SPHK2: variants seen among roughly 807,000 people sequenced by gnomAD.
The protein encoded by SPHK2 is sphingosine kinase 2.
In SPHK2, 18 loss-of-function variants were observed where a neutral mutation model predicts 32.3. The observed-to-expected ratio is 0.56, with a 90% CI of 0.39 to 0.83. The LOEUF is 0.83. Ranked by LOEUF, SPHK2 falls within the 40% of genes least tolerant of loss-of-function variation. The pLI is 0.00. For missense variants in SPHK2, 850 were observed against 908.7 expected (o/e 0.94, Z 0.83); for synonymous variants, 462 against 417.6 (o/e 1.11, Z -1.30).
Position 48,629,876 on chromosome 19 carries a change from G to T in SPHK2, c.*103G>T. ...TGGCTGCTAGAGTTGTGGTGGCAGG[G>T]GCCCTGGCCCCGTCTCAGGATTGCG... On this transcript the variant is annotated 3_prime_UTR_variant, in exon 7 of 7. Transcript: ENST00000245222. 1 of 1,459,602 alleles carries T rather than the reference G, an allele frequency of 6.9e-7. No individual in the cohort carries two copies. The highest frequency in any genetic ancestry group is 9.0e-7 in the Non-Finnish European group (1 of 1,106,238). 90.4% of individuals were successfully genotyped at this position (1,459,602 alleles called of 1,614,324 possible).
rs1175775261 is a variant in SPHK2 at position 48,629,996 on chromosome 19, A to G, written c.*223A>G. 7.2e-7 allele frequency: 1 copy of G among 1,382,066 alleles called. No individual in the cohort carries two copies. The highest frequency in any genetic ancestry group is 9.3e-7 in the Non-Finnish European group (1 of 1,071,478). The allele number at this position is 1,382,066 out of a possible 1,614,324, so 85.6% of individuals were successfully genotyped here. A position where few individuals can be genotyped will look rare whatever the true frequency, so the allele number is the denominator to read the frequency against. The stretch of plus-strand genomic sequence containing the variant: ...TCCCGAGGGTAGTGCCTGATCAATG[A>G]GGGCGGGGCCTGGCGTCTGATCTGG... On this transcript the variant is annotated 3_prime_UTR_variant, in exon 7 of 7. Transcript: ENST00000245222.
Position 48,628,406 on chromosome 19 carries a change from G to C in SPHK2, c.872+129G>C, listed in dbSNP as rs759995289. ...CCTGCCTGTGGGATGCTCACCCCCA[G>C]CTCCTGGACATTTTTGCCTGCCTGC... On this transcript the variant is annotated intron_variant, in intron 6 of 6. Transcript: ENST00000245222. The surrounding 1 kb of genome is among the most constrained non-coding windows in gnomAD (Gnocchi z 5.2). 3 of 1,021,804 alleles carry C rather than the reference G, an allele frequency of 2.9e-6. No individual in the cohort carries two copies. The highest frequency in any genetic ancestry group is 2.0e-4 in the Middle Eastern group (1 of 4,964). The allele number at this position is 1,021,804 out of a possible 1,614,324, so 63.3% of individuals were successfully genotyped here. A position where few individuals can be genotyped will look rare whatever the true frequency, so the allele number is the denominator to read the frequency against.
rs1224362078 is a variant in SPHK2, at chr19:48,630,174, G to A, written c.*401G>A. 3.2e-6 allele frequency: 4 copies of A among 1,248,228 alleles called. No homozygotes were observed. The highest frequency in any genetic ancestry group is 3.1e-5 in the South Asian group (1 of 32,678). 77.3% of individuals were successfully genotyped at this position (1,248,228 alleles called of 1,614,324 possible). ...TAGGCCTCAGTGAGTCGGCCGGTCA[G>A]GGCCCGCAGCCTCGCCCCATCCACT... On this transcript the variant is annotated 3_prime_UTR_variant, in exon 7 of 7. Transcript: ENST00000245222. This position sits in a 1 kb window ranked among gnomAD's most constrained non-coding sequence, Gnocchi z 4.9.
rs779108312 is a variant in SPHK2, at chr19:48,622,757, C to CTTTTTTTTTTTTTTTTTTTT, written c.39+2211_39+2230dup. Among the ~76,000 whole-genome samples the CTTTTTTTTTTTTTTTTTTTT allele has an allele frequency of 4.6e-5, 5 of 108,546 alleles. 2 individuals are homozygous for CTTTTTTTTTTTTTTTTTTTT. The highest frequency in any genetic ancestry group is 5.7e-5 in the Non-Finnish European group (3 of 52,200). The allele number at this position is 108,546 out of a possible 152,430, so 71.2% of individuals were successfully genotyped here. On this transcript the variant is annotated intron_variant, in intron 2 of 6. Transcript: ENST00000245222. The stretch of plus-strand genomic sequence containing the variant: ...CAAACTTCTTCCTACATTTGTCTCT[C>CTTTTTTTTTTTTTTTTTTTT]TTTTTTTTTTTTTTTTTTTTTTTTT...
chr19:48,629,518 G>T lies in SPHK2; in HGVS notation c.1710G>T (p.Trp570Cys). 6.2e-7 allele frequency: 1 copy of T among 1,606,086 alleles called. No homozygotes were observed. The highest frequency in any genetic ancestry group is 1.7e-5 in the Admixed American group (1 of 59,336). Residue 570 changes from tryptophan to cysteine, a missense_variant, in exon 7 of 7, where the codon TGG (tryptophan) becomes TGT (cysteine). Coordinates refer to ENST00000245222, the MANE Select transcript of SPHK2 (RefSeq NM_020126.5). ...ACGACGGCCTGGTGCACCTGTGCTG[G>T]GTGCGTAGCGGCATCTCGCGGGCTG... ...RFDDGLVHLC[W>C]VRSGISRAAL...
At position 48,628,942 on chromosome 19, in the gene SPHK2, C is replaced by T. The variant is rs143439057; in HGVS notation, c.1134C>T (p.Tyr378=). 1.6e-5 allele frequency: 26 copies of T among 1,613,312 alleles called. No homozygotes were observed. The highest frequency in any genetic ancestry group is 3.3e-5 in the Admixed American group (2 of 60,014). ...TLHTYRGRLS[Y]LPATVEPASP... is the part of the protein sequence containing the mutation. Reference sequence around the variant, plus strand: ...ACACCTACCGCGGACGCCTCTCCTACCTCCCCGCCACTGTGGAACCTGCCT... The same window carrying T: ...ACACCTACCGCGGACGCCTCTCCTATCTCCCCGCCACTGTGGAACCTGCCT... Residue 378 remains tyrosine, a synonymous_variant, in exon 7 of 7, where the codon TAC becomes TAT. Coordinates refer to ENST00000245222, the MANE Select transcript of SPHK2 (RefSeq NM_020126.5). This position sits in a 1 kb window ranked among gnomAD's most constrained non-coding sequence, Gnocchi z 5.2.
Position 48,629,735 on chromosome 19 carries a change from C to A in SPHK2, c.1927C>A (p.Leu643Ile). Reference protein sequence around the residue: ...AQMHPGIGTLLTGPPGCPGRE... With the variant: ...AQMHPGIGTLITGPPGCPGRE... The stretch of plus-strand genomic sequence containing the variant: ...GATGCACCCTGGCATCGGTACACTG[C>A]TCACTGGGCCTCCTGGCTGCCCGGG... The change falls in exon 7 of 7, where the codon CTC becomes ATC. Residue 643 changes from leucine to isoleucine, a missense_variant. Around this residue, in one of 2 missense-constraint regions of SPHK2, gnomAD observed 306 missense variants for 268.6 expected, o/e 1.14. Coordinates refer to ENST00000245222, the MANE Select transcript of SPHK2 (RefSeq NM_020126.5). 1 of 1,592,832 alleles carries A rather than the reference C, an allele frequency of 6.3e-7. No individual in the cohort carries two copies. The highest frequency in any genetic ancestry group is 8.6e-7 in the Non-Finnish European group (1 of 1,167,260).
At chr19:48,623,672 T>G (rs1161780968) in intron 2 of SPHK2, 2 of 152,228 alleles carry the variant, frequency 1.3e-5, no homozygotes, top group African/African-American at 4.8e-5. Context: ...GGGCAGATGT[T>G]TATCTCATGC....
chr19:48,622,608 T>C (rs573859173), intron 2 of SPHK2, among the ~76,000 whole-genome samples: 2 of 152,128 alleles, frequency 1.3e-5, no homozygotes, highest in Non-Finnish European at 2.9e-5. Context: ...GCTCAGTTGC[T>C]GTGCCCCAGT....
chr19:48,622,181 C>G (rs1974431659), intron 2 of SPHK2, among the ~76,000 whole-genome samples: 1 of 151,218 alleles, frequency 6.6e-6, no homozygotes, highest in African/African-American at 2.4e-5. Context: ...ATGGCGTGAA[C>G]CCGGGAGGCG....
intron 3 of SPHK2, 48 bp downstream of exon 3, chr19:48,626,410 T>C: frequency 6.7e-7 from 1 of 1,493,564 alleles, no homozygotes; most frequent in Non-Finnish European, 8.8e-7. Flanking sequence ...TTGGTGTCTC[T>C]GCAGAATTTC....
At chr19:48,625,105 C>G (rs760048830) in intron 2 of SPHK2, 5 of 1,000,046 alleles carry the variant, frequency 5.0e-6, no homozygotes, top group Non-Finnish European at 6.0e-6. Flanking sequence ...GCTCTTGGCC[C>G]CTGCCCCTTG....
At chr19:48,624,852 A>G in intron 2 of SPHK2, 1 of 935,796 alleles carries the variant, frequency 1.1e-6, no homozygotes. Context: ...TGTAGTTCCT[A>G]AGGGTGAGTC....
Position 48,629,756 on chromosome 19 carries a change from C to T in SPHK2, c.1948C>T (p.Pro650Ser). The T allele has an allele frequency of 6.3e-7, 1 of 1,579,734 alleles. No individual in the cohort carries two copies. The highest frequency in any genetic ancestry group is 8.6e-7 in the Non-Finnish European group (1 of 1,159,614). Residue 650 changes from proline to serine, a missense_variant, in exon 7 of 7, where the codon CCG (proline) becomes TCG (serine). Pro to Ser is a moderately conservative substitution (Grantham distance 74, BLOSUM62 -1). Transcript: ENST00000245222. ...GTLLTGPPGC[P>S]GREP ...ACTGCTCACTGGGCCTCCTGGCTGCCCGGGGCGGGAGCCCTGAAACTAAAC... is the reference window on the plus strand; with the variant it reads ...ACTGCTCACTGGGCCTCCTGGCTGCTCGGGGCGGGAGCCCTGAAACTAAAC...
Position 48,629,111 on chromosome 19 carries a change from C to T in SPHK2, c.1303C>T (p.Pro435Ser), listed in dbSNP as rs1029947556. Residue 435 changes from proline (P) to serine (S), a missense_variant, in exon 7 of 7, where the codon CCT becomes TCT. Around this residue, in one of 2 missense-constraint regions of SPHK2, gnomAD observed 544 missense variants for 640.0 expected, o/e 0.85. Transcript: ENST00000245222. ...LPLPQPALAS[P>S]GSPEPLPILS... is the part of the protein sequence containing the mutation. The stretch of plus-strand genomic sequence containing the variant: ...CCTGCCCCAGCCTGCCCTGGCCTCT[C>T]CTGGCTCGCCAGAACCCCTGCCCAT... The T allele has an allele frequency of 3.1e-6, 5 of 1,613,380 alleles. No individual in the cohort carries two copies. Among genetic ancestry groups the T allele is most frequent in the Admixed American group, 3.3e-5 (2 of 59,996 alleles).
At chr19:48,621,707 C>T (rs1339895958) in intron 2 of SPHK2, among the ~76,000 whole-genome samples, 3 of 151,232 alleles carry the variant, frequency 2.0e-5, no homozygotes, top group South Asian at 2.1e-4. Flanking sequence ...TTAAGTATTT[C>T]GTGGGGTAGG....
At chr19:48,625,797 C>T in intron 2 of SPHK2, 94 bp from the exon 3 acceptor site, 1 of 1,541,388 alleles carries the variant, frequency 6.5e-7, no homozygotes, top group Admixed American at 1.9e-5. Context: ...CTGCCACTGC[C>T]CCTCATTGTC....
At position 48,629,512 on chromosome 19, in the gene SPHK2, G is replaced by A; in HGVS notation, c.1704G>A (p.Leu568=). The change falls in exon 7 of 7, where the codon CTG becomes CTA. Residue 568 remains leucine (L), a synonymous_variant. Coordinates refer to ENST00000245222, the MANE Select transcript of SPHK2 (RefSeq NM_020126.5). ...HARFDDGLVH[L]CWVRSGISRA... ...GCTTCGACGACGGCCTGGTGCACCT[G>A]TGCTGGGTGCGTAGCGGCATCTCGC... 5.0e-6 allele frequency: 8 copies of A among 1,606,944 alleles called. No individual in the cohort carries two copies. The highest frequency in any genetic ancestry group is 6.8e-6 in the Non-Finnish European group (8 of 1,178,250).
chr19:48,628,185 C>A lies in SPHK2; in HGVS notation c.780C>A (p.Arg260=). The A allele has an allele frequency of 6.2e-7, 1 of 1,613,840 alleles. No individual in the cohort carries two copies. Among genetic ancestry groups the A allele is most frequent in the Middle Eastern group, 1.7e-4 (1 of 6,058 alleles). Residue 260 remains arginine, a synonymous_variant, in exon 6 of 7, where the codon CGC becomes CGA. Coordinates refer to ENST00000245222, the MANE Select transcript of SPHK2 (RefSeq NM_020126.5). The surrounding 1 kb of genome is among the most constrained non-coding windows in gnomAD (Gnocchi z 5.2). ...LHEVLNGLLD[R]PDWEEAVKMP... ...AGGTGCTGAACGGGCTCCTAGATCG[C>A]CCTGACTGGGAGGAAGCTGTGAAGA...
Sources: allele counts gnomAD v4.1 joint callset (sites outside exome capture counted in the v4.1 genomes callset), GRCh38; gene constraint gnomAD v4.1.1; regional missense constraint gnomAD v4.1.1; non-coding constraint Gnocchi (gnomAD v3.1); transcripts MANE v1.5; gene names NCBI Gene and HGNC (gene_info 2026-07-23, HGNC 2026-07-21).